Variants in PROZ observed in about 807,000 individuals in gnomAD.
PROZ encodes protein Z, vitamin K dependent plasma glycoprotein.
A neutral mutation model predicts 34.9 loss-of-function variants in PROZ; 46 were observed. The observed-to-expected ratio is 1.32, with a 90% CI of 1.04 to 1.69. The LOEUF (loss-of-function observed/expected upper bound fraction) is 1.69, where lower values mean the gene tolerates loss of function less well. Among genes scored for constraint, PROZ ranks in the 40% most tolerant of loss-of-function variants. The pLI is 0.00. For missense variants in PROZ, 530 were observed against 520.4 expected, an observed-to-expected ratio of 1.02 and a Z score of -0.18; for synonymous variants, 195 against 208.5, an observed-to-expected ratio of 0.94 and a Z score of 0.56.
intron 3 of PROZ, among the ~76,000 whole-genome samples, chr13:113,161,726 CA>C (rs1311041574): frequency 6.6e-6 from 1 of 151,966 alleles, no homozygotes; most frequent in African/African-American, 2.4e-5. Context: ...GCAGCATGAG[CA>C]GGCTCAGTCC....
rs763669575 is a variant in PROZ, at chr13:113,171,832, G to T, written c.930G>T (p.Leu310=). ...LSGWARNGTD[L]GNSLTTRPVT... ...GCTGGGCACGCAATGGCACTGACCTGGGCAACTCGCTGACCACGCGGCCTG... is the reference window on the plus strand; with the variant it reads ...GCTGGGCACGCAATGGCACTGACCTTGGCAACTCGCTGACCACGCGGCCTG... Residue 310 remains leucine, a synonymous_variant, in exon 8 of 8, where the codon CTG becomes CTT. Transcript: ENST00000375547. The surrounding 1 kb of genome is among the most constrained non-coding windows in gnomAD (Gnocchi z 5.1). 1 of 1,613,628 alleles carries T rather than the reference G, an allele frequency of 6.2e-7. No homozygotes were observed. Among genetic ancestry groups the T allele is most frequent in the Non-Finnish European group, 8.5e-7 (1 of 1,180,030 alleles).
At chr13:113,163,277 C>T (rs1477091263) in intron 4 of PROZ, among the ~76,000 whole-genome samples, 155 bp downstream of exon 4, 1 of 152,166 alleles carries the variant, frequency 6.6e-6, no homozygotes, top group Non-Finnish European at 1.5e-5. Flanking sequence ...TCCTCTCATC[C>T]CAACCAGATT....
chr13:113,159,276 C>T lies in PROZ; in HGVS notation c.70+546C>T. Reference sequence around the variant, plus strand: ...CGTCCAGGAAAGCTGCAAGTCAAAACACCCAGCATCCCCGCTGGCCCCATG... The same window carrying T: ...CGTCCAGGAAAGCTGCAAGTCAAAATACCCAGCATCCCCGCTGGCCCCATG... On this transcript the variant is annotated intron_variant, in intron 1 of 7. Transcript: ENST00000375547. The surrounding 1 kb of genome is among the most constrained non-coding windows in gnomAD (Gnocchi z 4.6). 1 of 1,538,680 alleles carries T rather than the reference C, an allele frequency of 6.5e-7. No homozygotes were observed. The highest frequency in any genetic ancestry group is 8.8e-7 in the Non-Finnish European group (1 of 1,136,048).
Position 113,171,961 on chromosome 13 carries a change from T to A in PROZ, c.1059T>A (p.Asp353Glu), listed in dbSNP as rs781297793. 25 of 1,613,340 alleles carry A rather than the reference T, an allele frequency of 1.5e-5. No homozygotes were observed. The East Asian group carries it at 3.3e-4, about 22-fold the overall frequency. ...GCGTGGCGGCCATGCACTGGATGGA[T>A]GGAAGTGTGGTCACCAGAGAACACA... ...RSSVAAMHWM[D>E]GSVVTREHRG... Residue 353 changes from aspartate to glutamate, a missense_variant, in exon 8 of 8, where the codon GAT becomes GAA. By Grantham distance (45) the Asp-to-Glu change is conservative. Coordinates refer to ENST00000375547, the MANE Select transcript of PROZ (RefSeq NM_003891.3). The surrounding 1 kb of genome is among the most constrained non-coding windows in gnomAD (Gnocchi z 5.1).
In PROZ at chr13:113,171,966, G is replaced by GCACTGGA. The variant is rs751124238; in HGVS notation, c.1064_1065insCACTGGA (p.Val356ThrfsTer43). 6.2e-7 allele frequency: 1 copy of GCACTGGA among 1,613,578 alleles called. No individual in the cohort carries two copies. The highest frequency in any genetic ancestry group is 1.1e-5 in the South Asian group (1 of 91,082). ...GCGGCCATGCACTGGATGGATGGAAGTGTGGTCACCAGAGAACACAGAGGC... is the reference window on the plus strand; with the variant it reads ...GCGGCCATGCACTGGATGGATGGAAGCACTGGATGTGGTCACCAGAGAACACAGAGGC... On this transcript the variant is annotated frameshift_variant, in exon 8 of 8. Transcript: ENST00000375547. LOFTEE classifies it low-confidence loss of function (END_TRUNC). The surrounding 1 kb of genome is among the most constrained non-coding windows in gnomAD (Gnocchi z 5.1).
chr13:113,162,935 A>ACCCCCC, intron 3 of PROZ, 74 bp from the exon 4 acceptor site: 3 of 621,282 alleles, frequency 4.8e-6, no homozygotes, highest in South Asian at 1.9e-5. Flanking sequence ...CATTCCTGTC[A>ACCCCCC]CCACCCCCAC....
At chr13:113,169,776 C>G (rs3024761) in intron 6 of PROZ, among the ~76,000 whole-genome samples, 26,145 of 152,270 alleles carry the variant, frequency 0.17, 2,939 homozygotes, top group South Asian at 0.42. Context: ...GCACAGGTCC[C>G]TCTCACACTC....
rs763860734 is a variant in PROZ at position 113,159,562 on chromosome 13, C to T, written c.71-452C>T. On this transcript the variant is annotated intron_variant, in intron 1 of 7. Coordinates refer to ENST00000375547, the MANE Select transcript of PROZ (RefSeq NM_003891.3). The surrounding 1 kb of genome is among the most constrained non-coding windows in gnomAD (Gnocchi z 4.6). ...TCATTTGCCTTCTCCTCCTGGAAAT[C>T]GCAGAGCCTGCTGCAATGTATAAGT... Among the ~76,000 whole-genome samples, 47 of 152,322 alleles carry T rather than the reference C, an allele frequency of 3.1e-4. 1 individual carries two copies. The Middle Eastern group carries it at 0.01, about 33-fold the overall frequency.
At chr13:113,164,492 T>TC in intron 4 of PROZ, 21 bp from the exon 5 acceptor site, 2 of 1,406,848 alleles carry the variant, frequency 1.4e-6, no homozygotes, top group Non-Finnish European at 1.9e-6. Flanking sequence ...TAGCATTTCC[T>TC]TTTTTTTTTT....
At position 113,171,611 on chromosome 13, in the gene PROZ, C is replaced by A. The variant is rs144364121; in HGVS notation, c.709C>A (p.Gln237Lys). The change falls in exon 8 of 8, where the codon CAA becomes AAA. Residue 237 changes from glutamine to lysine, a missense_variant. Transcript: ENST00000375547. The surrounding 1 kb of genome is among the most constrained non-coding windows in gnomAD (Gnocchi z 5.1). Reference protein sequence around the residue: ...TVKTYFNRTSQDPLMIKITHV... With the variant: ...TVKTYFNRTSKDPLMIKITHV... The stretch of plus-strand genomic sequence containing the variant: ...GATTTCAGATTTTAACAGAACGAGC[C>A]AAGACCCGCTGATGATCAAGATAAC... The A allele has an allele frequency of 1.2e-4, 191 of 1,614,156 alleles. No homozygotes were observed. The highest frequency in any genetic ancestry group is 1.6e-4 in the Non-Finnish European group (184 of 1,180,040).
intron 2 of PROZ, 133 bp downstream of exon 2, chr13:113,160,310 G>A (rs2036739033): frequency 1.7e-6 from 2 of 1,157,558 alleles, no homozygotes; most frequent in Admixed American, 1.7e-5. Flanking sequence ...CACAATCCCA[G>A]TTTTACAGAT....
At chr13:113,164,436 A>C (rs1403086623) in intron 4 of PROZ, 77 bp from the exon 5 acceptor site, 2 of 1,529,870 alleles carry the variant, frequency 1.3e-6, no homozygotes, top group African/African-American at 2.7e-5. Context: ...ATGGACCAAC[A>C]CACAGAACTG....
chr13:113,168,783 T>C (rs1238947212), intron 6 of PROZ, among the ~76,000 whole-genome samples: 1 of 152,172 alleles, frequency 6.6e-6, no homozygotes, highest in African/African-American at 2.4e-5. Context: ...GGCTGGAGTG[T>C]AGTGGTGTGA....
chr13:113,163,104 G>A lies in PROZ; in HGVS notation c.355G>A (p.Gly119Ser). ...YTCTCSPGYE[G>S]SNCELAKNEC... ...CTGCACCTGCTCCCCCGGCTATGAGGGCAGCAACTGCGAGCTGGGTGAGGC... is the reference window on the plus strand; with the variant it reads ...CTGCACCTGCTCCCCCGGCTATGAGAGCAGCAACTGCGAGCTGGGTGAGGC... The change falls in exon 4 of 8, where the codon GGC becomes AGC. Residue 119 changes from glycine to serine, a missense_variant. Transcript: ENST00000375547. 1.9e-6 allele frequency: 3 copies of A among 1,554,500 alleles called. No homozygotes were observed. The highest frequency in any genetic ancestry group is 2.7e-5 in the African/African-American group (2 of 73,354).
chr13:113,169,737 T>C (rs1430844635), intron 6 of PROZ, among the ~76,000 whole-genome samples: 4 of 152,222 alleles, frequency 2.6e-5, no homozygotes, highest in East Asian at 1.9e-4. Context: ...GTGGAAGCAA[T>C]TGCTATTCCC....
At chr13:113,161,355 C>A (rs1566926884) in intron 3 of PROZ, among the ~76,000 whole-genome samples, 1 of 152,106 alleles carries the variant, frequency 6.6e-6, no homozygotes, top group East Asian at 1.9e-4. Flanking sequence ...AAGTCATGGC[C>A]CCGATGGAGA....
In PROZ at chr13:113,163,151, A is replaced by G. The variant is rs548577364; in HGVS notation, c.373+29A>G. On this transcript the variant is annotated intron_variant, in intron 4 of 7. Transcript: ENST00000375547. ...AGGCCCCGGCCGTCCCCTTCCCCCA[A>G]GGGCCTCCCTGGGCAGGTGGGCCTC... is the stretch of plus-strand genomic sequence containing the variant. 150 of 1,502,640 alleles carry G rather than the reference A, an allele frequency of 1.0e-4. 2 individuals carry two copies. The East Asian group carries it at 3.7e-3, about 37-fold the overall frequency. The allele number at this position is 1,502,640 out of a possible 1,614,324, so 93.1% of individuals were successfully genotyped here.
At chr13:113,163,907 G>A (rs930956495) in intron 4 of PROZ, among the ~76,000 whole-genome samples, 24 of 151,244 alleles carry the variant, frequency 1.6e-4, no homozygotes, top group Non-Finnish European at 4.4e-5. Flanking sequence ...AGACAAAACA[G>A]GCGCGTGGAT....
chr13:113,168,014 C>G lies in PROZ; in HGVS notation c.574-2399C>G, dbSNP rs948403773. ...CAGTCCACTCCACTTTCGCCGACGC[C>G]ACATCCGCTCGCTGTAGCATGAGTC... On this transcript the variant is annotated intron_variant, in intron 6 of 7. Transcript: ENST00000375547. 2.6e-5 allele frequency among the ~76,000 whole-genome samples: 4 copies of G among 152,182 alleles called. No individual in the cohort carries two copies. The East Asian group carries it at 7.7e-4, about 29-fold the overall frequency.
Sources: gnomAD v4.1 joint callset for allele counts (sites outside exome capture counted in the v4.1 genomes callset) on GRCh38, gnomAD v4.1.1 for gene constraint, Gnocchi (gnomAD v3.1) non-coding constraint, MANE v1.5 for transcripts, NCBI Gene and HGNC (gene_info 2026-07-23, HGNC 2026-07-21) for gene names.